Variants in RNF169 observed in about 807,000 individuals in gnomAD.
RNF169 encodes the protein ring finger protein 169, also known as E3 ubiquitin-protein ligase RNF169.
Under a neutral mutation model 53.9 loss-of-function variants are expected in RNF169, and 24 were observed. The observed-to-expected ratio is 0.45, with a 90% confidence interval of 0.32 to 0.63. The LOEUF (loss-of-function observed/expected upper bound fraction) is 0.63. Among genes scored for constraint, RNF169 ranks in the 20% least tolerant of loss-of-function variants. RNF169 has a pLI of 0.04. For missense variants in RNF169, 883 were observed against 906.2 expected (o/e 0.97, Z 0.33); for synonymous variants, 396 against 363.5 (o/e 1.09, Z -1.02).
At chr11:74,791,735 A>G (rs516287) in intron 2 of RNF169, among the ~76,000 whole-genome samples, 62,437 of 152,078 alleles carry the variant, frequency 0.41, 14,692 homozygotes, top group African/African-American at 0.66. Flanking sequence ...GGATGGAGGT[A>G]GGGGCGCATC....
Position 74,835,731 on chromosome 11 carries a change from C to A in RNF169, c.1128C>A (p.Ser376=), listed in dbSNP as rs368886428. The A allele has an allele frequency of 1.2e-6, 2 of 1,614,054 alleles. No homozygotes were observed. The highest frequency in any genetic ancestry group is 2.7e-5 in the African/African-American group (2 of 74,914). ...GCCCTGAGAGCAATGACAGCATCTC[C>A]GAAGAACTAAACCATTTCAAGCCCA... ...SVSPESNDSI[S]EELNHFKPIV... Residue 376 remains serine, a synonymous_variant, in exon 6 of 6, where the codon TCC becomes TCA. Transcript: ENST00000299563.
intron 2 of RNF169, chr11:74,807,864 A>G (rs990992992): frequency 4.6e-5 from 7 of 152,224 alleles, no homozygotes; most frequent in African/African-American, 1.7e-4. Context: ...ACCAAAAGCA[A>G]TGAAAACAAA....
intron 2 of RNF169, among the ~76,000 whole-genome samples, chr11:74,799,073 A>C (rs2035692192): frequency 1.3e-5 from 1 of 76,586 alleles, no homozygotes; most frequent in African/African-American, 5.9e-5. Flanking sequence ...AAAAAAAAAA[A>C]AGATTTCCAG....
intron 1 of RNF169, among the ~76,000 whole-genome samples, chr11:74,780,755 TA>T (rs921679831): frequency 1.3e-5 from 2 of 152,286 alleles, no homozygotes; most frequent in Non-Finnish European, 2.9e-5. Context: ...AAGCTTGATT[TA>T]AAAAAATCTA....
chr11:74,833,509 TGAA>T (rs2036209292), intron 4 of RNF169, among the ~76,000 whole-genome samples: 1 of 152,206 alleles, frequency 6.6e-6, no homozygotes, highest in Non-Finnish European at 1.5e-5. Context: ...TCCCAGGTTA[TGAA>T]GAACTCTCTC....
intron 4 of RNF169, among the ~76,000 whole-genome samples, chr11:74,829,885 G>A (rs1171281765): frequency 6.6e-6 from 1 of 152,158 alleles, no homozygotes; most frequent in Non-Finnish European, 1.5e-5. Context: ...AGACCATCAG[G>A]AAAAATAGCT....
chr11:74,799,280 A>G (rs974695793), intron 2 of RNF169, among the ~76,000 whole-genome samples: 6 of 152,110 alleles, frequency 3.9e-5, no homozygotes, highest in Non-Finnish European at 7.4e-5. Context: ...AAAATTCTCA[A>G]TAGAATGTTT....
chr11:74,828,258 A>T (rs911431763), intron 4 of RNF169, among the ~76,000 whole-genome samples: 1 of 152,086 alleles, frequency 6.6e-6, no homozygotes, highest in East Asian at 1.9e-4. Flanking sequence ...ATAAAATAGG[A>T]ATATGGGCTA....
At chr11:74,829,233 A>T (rs1220271847) in intron 4 of RNF169, among the ~76,000 whole-genome samples, 1 of 152,248 alleles carries the variant, frequency 6.6e-6, no homozygotes, top group African/African-American at 2.4e-5. Context: ...CAACCAGCAT[A>T]TGAAAAAGAG....
intron 1 of RNF169, among the ~76,000 whole-genome samples, chr11:74,773,183 C>G (rs1189360953): frequency 1.3e-5 from 2 of 152,024 alleles, no homozygotes; most frequent in Non-Finnish European, 2.9e-5. Flanking sequence ...TTGCTGAGAC[C>G]TGGGGTAGGA....
At chr11:74,809,809 T>C (rs2035851604) in intron 2 of RNF169, among the ~76,000 whole-genome samples, 1 of 152,262 alleles carries the variant, frequency 6.6e-6, no homozygotes, top group Admixed American at 6.5e-5. Context: ...TCTGGCTTTC[T>C]GTGGCCATCT....
chr11:74,756,077 GA>G (rs1161313655), intron 1 of RNF169, among the ~76,000 whole-genome samples: 2 of 152,158 alleles, frequency 1.3e-5, no homozygotes. Flanking sequence ...AGAGGGCCTG[GA>G]CTAAAGCATT....
intron 2 of RNF169, chr11:74,808,050 A>G (rs1198596745): frequency 6.6e-6 from 1 of 152,178 alleles, no homozygotes; most frequent in Non-Finnish European, 1.5e-5. Context: ...TGCGTTGTCA[A>G]AAACTTTGAG....
chr11:74,817,557 T>C (rs1433803416), intron 3 of RNF169, 39 bp from the exon 4 acceptor site: 1 of 1,336,386 alleles, frequency 7.5e-7, no homozygotes. Flanking sequence ...CCTTGGGAAC[T>C]CCAAATGGAC....
At chr11:74,793,430 G>A (rs2035606832) in intron 2 of RNF169, among the ~76,000 whole-genome samples, 1 of 152,190 alleles carries the variant, frequency 6.6e-6, no homozygotes. Context: ...ATTACTTTAA[G>A]TGACAGTAAA....
chr11:74,768,613 A>C (rs2035211347), intron 1 of RNF169, among the ~76,000 whole-genome samples: 1 of 152,172 alleles, frequency 6.6e-6, no homozygotes, highest in Non-Finnish European at 1.5e-5. Flanking sequence ...TCTTAAAAAA[A>C]AAAAAAAAAG....
rs1472575966 is a variant in RNF169, at chr11:74,821,381, G to A, written c.842+3667G>A. Among the ~76,000 whole-genome samples the A allele has an allele frequency of 4.3e-5, 3 of 69,132 alleles. 1 individual carries two copies. The highest frequency in any genetic ancestry group is 1.3e-3 in the South Asian group (2 of 1,594). 45.4% of individuals were successfully genotyped at this position (69,132 alleles called of 152,430 possible). ...CAGTAAAAGAATACAAGTGCGGGCCGGGCGCGGTGGCTCACGCCTGTAATC... is the reference window on the plus strand; with the variant it reads ...CAGTAAAAGAATACAAGTGCGGGCCAGGCGCGGTGGCTCACGCCTGTAATC... On this transcript the variant is annotated intron_variant, in intron 4 of 5. Transcript: ENST00000299563.
Position 74,835,593 on chromosome 11 carries a change from G to A in RNF169, c.990G>A (p.Leu330=). 1.9e-6 allele frequency: 3 copies of A among 1,614,106 alleles called. No individual in the cohort carries two copies. Among genetic ancestry groups the A allele is most frequent in the Non-Finnish European group, 2.5e-6 (3 of 1,180,006 alleles). Reference sequence around the variant, plus strand: ...CCAACCCCATCATTGGTGTCCTCTTGTCAACTCAAAACAACCGCTGCGTCT... The same window carrying A: ...CCAACCCCATCATTGGTGTCCTCTTATCAACTCAAAACAACCGCTGCGTCT... ...PASNPIIGVL[L]STQNNRCVSA... The change falls in exon 6 of 6, where the codon TTG becomes TTA. Residue 330 remains leucine, a synonymous_variant. Transcript: ENST00000299563.
chr11:74,813,341 T>TA (rs1281155668), intron 3 of RNF169, among the ~76,000 whole-genome samples: 1 of 152,236 alleles, frequency 6.6e-6, no homozygotes, highest in Non-Finnish European at 1.5e-5. Context: ...GGAAGGAGCT[T>TA]ACTCTAGAAG....
Sources: gnomAD v4.1 joint callset for allele counts (sites outside exome capture counted in the v4.1 genomes callset) on GRCh38, gnomAD v4.1.1 for gene constraint, MANE v1.5 for transcripts, NCBI Gene and HGNC (gene_info 2026-07-23, HGNC 2026-07-21) for gene names.